CDH12: variants seen among roughly 807,000 people sequenced by gnomAD.
The protein encoded by CDH12 is cadherin-12.
In CDH12, 41 loss-of-function variants were observed where a neutral mutation model predicts 74.1. The ratio of observed to expected loss-of-function variants is 0.55; its 90% CI spans 0.43 to 0.72. CDH12 has a LOEUF of 0.72. Among genes scored for constraint, CDH12 ranks in the 30% least tolerant of loss-of-function variants. The pLI is 0.00. For synonymous variants in CDH12, 399 were observed against 355.0 expected (o/e 1.12, Z -1.39); for missense variants, 945 against 977.2 (o/e 0.97, Z 0.44).
At chr5:21,972,960 G>A (rs185954527) in intron 6 of CDH12, among the ~76,000 whole-genome samples, 2,380 of 151,306 alleles carry the variant, frequency 0.016, 60 homozygotes, top group African/African-American at 0.055. Context: ...CCAGTGCTCT[G>A]GGAAGCCAAG....
At chr5:22,189,739 T>A (rs1750155812) in intron 4 of CDH12, among the ~76,000 whole-genome samples, 2 of 152,164 alleles carry the variant, frequency 1.3e-5, no homozygotes, top group East Asian at 1.9e-4. Context: ...AATATCTTTT[T>A]AAAAAAAATT....
At chr5:22,258,401 G>T (rs1478584853) in intron 3 of CDH12, among the ~76,000 whole-genome samples, 1 of 152,036 alleles carries the variant, frequency 6.6e-6, no homozygotes, top group South Asian at 2.1e-4. Flanking sequence ...TAACTCCCGA[G>T]CTATGATCCC....
intron 4 of CDH12, chr5:22,139,263 A>G (rs927797177): frequency 1.3e-5 from 2 of 149,410 alleles, no homozygotes; most frequent in Non-Finnish European, 3.0e-5. Flanking sequence ...TTTGTAGGTG[A>G]GTGTTTAGCG....
chr5:22,568,471 C>G (rs1003172600), intron 1 of CDH12, among the ~76,000 whole-genome samples: 2 of 152,164 alleles, frequency 1.3e-5, no homozygotes, highest in African/African-American at 4.8e-5. Context: ...GAAATAACGA[C>G]AATCTGACAT....
At chr5:22,441,885 G>T (rs994304891) in intron 2 of CDH12, among the ~76,000 whole-genome samples, 4 of 151,856 alleles carry the variant, frequency 2.6e-5, no homozygotes, top group African/African-American at 9.7e-5. Flanking sequence ...TGTACTTTTA[G>T]TAGAGACAGG....
At chr5:22,022,633 A>C (rs1357624679) in intron 5 of CDH12, among the ~76,000 whole-genome samples, 1 of 152,214 alleles carries the variant, frequency 6.6e-6, no homozygotes, top group African/African-American at 2.4e-5. Flanking sequence ...TAATAATATC[A>C]CAGGCTGAGT....
In CDH12 at chr5:22,041,195, A is replaced by G. The variant is rs114163409; in HGVS notation, c.231+37251T>C. 6.1e-3 allele frequency among the ~76,000 whole-genome samples: 924 copies of G among 152,228 alleles called. 3 individuals are homozygous for G. Among genetic ancestry groups the G allele is most frequent in the African/African-American group, 0.021 (888 of 41,568 alleles). The stretch of plus-strand genomic sequence containing the variant: ...AACACAAATATATAGCAGATGCACA[A>G]ATGTTTAAAAAAAGAATTAAAACTT... On this transcript the variant is annotated intron_variant, in intron 5 of 14. Transcript: ENST00000382254.
At chr5:22,685,183 A>C (rs1214553045) in intron 1 of CDH12, among the ~76,000 whole-genome samples, 3 of 152,168 alleles carry the variant, frequency 2.0e-5, no homozygotes, top group Non-Finnish European at 4.4e-5. Flanking sequence ...ATTCACTGTC[A>C]TGAAACCATT....
intron 10 of CDH12, among the ~76,000 whole-genome samples, chr5:21,790,757 A>C (rs887752920): frequency 6.6e-6 from 1 of 151,738 alleles, no homozygotes; most frequent in African/African-American, 2.4e-5. Flanking sequence ...CTCTCCTTTC[A>C]TACTATTTTG....
In CDH12 at chr5:21,784,984, C is replaced by A. The variant is rs183289413; in HGVS notation, c.1257-1490G>T. 2.1e-3 allele frequency among the ~76,000 whole-genome samples: 320 copies of A among 152,178 alleles called. 1 individual carries two copies. Among genetic ancestry groups the A allele is most frequent in the African/African-American group, 7.2e-3 (300 of 41,522 alleles). Reference sequence around the variant, plus strand: ...TTACAAACTGAAAGTTTGTTGCAACCCTGTGTCAAGCAAGTTCATCGGCAT... The same window carrying A: ...TTACAAACTGAAAGTTTGTTGCAACACTGTGTCAAGCAAGTTCATCGGCAT... On this transcript the variant is annotated intron_variant, in intron 10 of 14. Coordinates refer to ENST00000382254, the MANE Select transcript of CDH12 (RefSeq NM_004061.5).
intron 1 of CDH12, among the ~76,000 whole-genome samples, chr5:22,768,327 A>G (rs1746628770): frequency 6.6e-6 from 1 of 152,106 alleles, no homozygotes; most frequent in Non-Finnish European, 1.5e-5. Context: ...AAATAAATAT[A>G]ACTGACTTTG....
intron 5 of CDH12, among the ~76,000 whole-genome samples, chr5:22,031,968 A>T (rs1405398348): frequency 6.6e-6 from 1 of 152,128 alleles, no homozygotes; most frequent in Non-Finnish European, 1.5e-5. Context: ...GCGCTGATAG[A>T]CTTGCTCAAT....
intron 4 of CDH12, among the ~76,000 whole-genome samples, chr5:22,102,396 C>A (rs531243584): frequency 6.6e-6 from 1 of 152,106 alleles, no homozygotes; most frequent in East Asian, 1.9e-4. Context: ...TGGCAGGGCA[C>A]GGTGGCTCAC....
chr5:22,398,288 A>C lies in CDH12; in HGVS notation c.-333+6969T>G, dbSNP rs187592367. ...TTAGCAGGAGGTAAGGATATACCTC[A>C]GGTCTTTTTCCAGGATTTGTCATTA... is the stretch of plus-strand genomic sequence containing the variant. On this transcript the variant is annotated intron_variant, in intron 3 of 14. Coordinates refer to ENST00000382254, the MANE Select transcript of CDH12 (RefSeq NM_004061.5). Among the ~76,000 whole-genome samples, 247 of 152,256 alleles carry C rather than the reference A, an allele frequency of 1.6e-3. 1 individual carries two copies. Among genetic ancestry groups the C allele is most frequent in the Non-Finnish European group, 2.7e-3 (187 of 68,014 alleles).
chr5:21,920,571 A>C (rs1439824516), intron 6 of CDH12, among the ~76,000 whole-genome samples: 1 of 151,750 alleles, frequency 6.6e-6, no homozygotes, highest in African/African-American at 2.4e-5. Context: ...ATAAATACCT[A>C]ATGTATATGA....
intron 3 of CDH12, among the ~76,000 whole-genome samples, chr5:22,392,096 G>C (rs148949956): frequency 6.6e-6 from 1 of 152,276 alleles, no homozygotes; most frequent in Non-Finnish European, 1.5e-5. Context: ...CAGGCTTCCT[G>C]TCCTACCCCT....
At chr5:22,317,145 C>T (rs551752689) in intron 3 of CDH12, among the ~76,000 whole-genome samples, 168 of 152,118 alleles carry the variant, frequency 1.1e-3, no homozygotes, top group Middle Eastern at 6.8e-3. Context: ...CGGTGAAACC[C>T]CGTCTCTACT....
At position 22,807,532 on chromosome 5, in the gene CDH12, A is replaced by G. The variant is rs1450275252; in HGVS notation, c.-523+45526T>C. On this transcript the variant is annotated intron_variant, in intron 1 of 14. Transcript: ENST00000382254. ...CTTAATGACAGAGATATATTCTGAG[A>G]AATGTATCATTAGGCAATTTCATCA... Among the ~76,000 whole-genome samples, 3 of 152,332 alleles carry G rather than the reference A, an allele frequency of 2.0e-5. No homozygotes were observed. In the East Asian group the frequency reaches 5.8e-4, roughly 29 times the overall value.
chr5:22,494,591 G>A (rs1561446984), intron 2 of CDH12, among the ~76,000 whole-genome samples: 1 of 152,192 alleles, frequency 6.6e-6, no homozygotes, highest in Non-Finnish European at 1.5e-5. Context: ...TCTGCTCCAG[G>A]AACTTACATC....
Sources: gnomAD v4.1 joint callset for allele counts (sites outside exome capture counted in the v4.1 genomes callset) on GRCh38, gnomAD v4.1.1 for gene constraint, MANE v1.5 for transcripts, NCBI Gene and HGNC (gene_info 2026-07-23, HGNC 2026-07-21) for gene names.